LRRTM4: variants seen among roughly 807,000 people sequenced by gnomAD.
LRRTM4 encodes leucine-rich repeat transmembrane neuronal protein 4.
A neutral mutation model predicts 47.6 loss-of-function variants in LRRTM4; 25 were observed. The ratio of observed to expected loss-of-function variants is 0.53; its 90% CI spans 0.38 to 0.73. LRRTM4 has a LOEUF of 0.73. Among genes scored for constraint, LRRTM4 ranks in the 30% least tolerant of loss-of-function variants. The pLI is 0.00. For synonymous variants in LRRTM4, 311 were observed against 269.5 expected, an observed-to-expected ratio of 1.15 and a Z score of -1.51; for missense variants, 638 against 713.4, an observed-to-expected ratio of 0.89 and a Z score of 1.20.
chr2:76,835,929 A>G (rs1160714524), intron 3 of LRRTM4, among the ~76,000 whole-genome samples: 2 of 152,052 alleles, frequency 1.3e-5, no homozygotes, highest in East Asian at 3.8e-4. Flanking sequence ...TTAATTTAAT[A>G]TTATAGATTA....
intron 3 of LRRTM4, among the ~76,000 whole-genome samples, chr2:76,967,969 G>T (rs917072177): frequency 1.3e-5 from 2 of 151,154 alleles, no homozygotes; most frequent in African/African-American, 4.9e-5. Context: ...CAGTTGGTTG[G>T]CAAATATAAA....
intron 3 of LRRTM4, among the ~76,000 whole-genome samples, chr2:77,089,336 G>A (rs556610683): frequency 1.3e-5 from 2 of 151,738 alleles, no homozygotes; most frequent in South Asian, 2.1e-4. Flanking sequence ...CTAGAGGAGG[G>A]ACAAGTACCC....
At chr2:76,988,760 C>A (rs1676898195) in intron 3 of LRRTM4, among the ~76,000 whole-genome samples, 1 of 151,692 alleles carries the variant, frequency 6.6e-6, no homozygotes. Flanking sequence ...CCACCCCCAC[C>A]CACCCCATTC....
chr2:77,469,635 T>C lies in LRRTM4; in HGVS notation c.1551+48683A>G, dbSNP rs552233839. On this transcript the variant is annotated intron_variant, in intron 3 of 3. Transcript: ENST00000409884. ...ATAAAAAGATTTTAAGAAAGCGAGA[T>C]GATGAATTGTGGCAAACTAAAGATA... is the stretch of plus-strand genomic sequence containing the variant. Among the ~76,000 whole-genome samples the C allele has an allele frequency of 1.0e-3, 154 of 152,254 alleles. 2 individuals are homozygous for C. The highest frequency in any genetic ancestry group is 3.5e-3 in the African/African-American group (144 of 41,546).
intron 3 of LRRTM4, among the ~76,000 whole-genome samples, chr2:76,792,953 T>C (rs1675054847): frequency 6.6e-6 from 1 of 152,138 alleles, no homozygotes; most frequent in Non-Finnish European, 1.5e-5. Context: ...GGAGGGTGAA[T>C]CCTGTCTCTG....
At chr2:77,011,172 A>T (rs965687825) in intron 3 of LRRTM4, among the ~76,000 whole-genome samples, 1 of 152,092 alleles carries the variant, frequency 6.6e-6, no homozygotes, top group Non-Finnish European at 1.5e-5. Flanking sequence ...AGATAAAAAT[A>T]GTTTTAACAC....
chr2:76,963,799 G>A (rs1675939558), intron 3 of LRRTM4, among the ~76,000 whole-genome samples: 1 of 150,618 alleles, frequency 6.6e-6, no homozygotes, highest in South Asian at 2.1e-4. Flanking sequence ...ATAATAGTAA[G>A]AAGTTTGTAC....
intron 3 of LRRTM4, among the ~76,000 whole-genome samples, chr2:77,049,730 T>C (rs10186328): frequency 0.068 from 10,314 of 152,118 alleles, 786 homozygotes; most frequent in African/African-American, 0.18. Context: ...ATTTCTCTCA[T>C]TCTGCAGGTT....
At chr2:77,241,919 A>G (rs1675279581) in intron 3 of LRRTM4, among the ~76,000 whole-genome samples, 1 of 152,084 alleles carries the variant, frequency 6.6e-6, no homozygotes. Context: ...AATGATCTTG[A>G]TCCCCTTGTT....
chr2:77,192,561 AC>A (rs1673699864), intron 3 of LRRTM4, among the ~76,000 whole-genome samples: 1 of 152,162 alleles, frequency 6.6e-6, no homozygotes, highest in Admixed American at 6.5e-5. Context: ...AATAATTTTA[AC>A]CTTTTTTAAA....
At chr2:76,987,119 T>C (rs1676825512) in intron 3 of LRRTM4, among the ~76,000 whole-genome samples, 1 of 151,966 alleles carries the variant, frequency 6.6e-6, no homozygotes, top group South Asian at 2.1e-4. Context: ...ATTTATTTAA[T>C]CCTCACATTT....
intron 3 of LRRTM4, among the ~76,000 whole-genome samples, chr2:77,468,746 C>T (rs939315369): frequency 2.6e-5 from 4 of 152,104 alleles, no homozygotes; most frequent in South Asian, 2.1e-4. Context: ...TCCCTGCTCT[C>T]CTCCTGGTGC....
chr2:76,834,207 A>T (rs1399426144), intron 3 of LRRTM4, among the ~76,000 whole-genome samples: 8 of 141,118 alleles, frequency 5.7e-5, no homozygotes, highest in Admixed American at 5.0e-4. Context: ...TGCCAAGCTA[A>T]TTTTTTTTTT....
chr2:76,822,974 A>ATGTT (rs1004156093), intron 3 of LRRTM4, among the ~76,000 whole-genome samples: 2 of 151,464 alleles, frequency 1.3e-5, no homozygotes, highest in African/African-American at 4.8e-5. Context: ...CCTTTCTAAA[A>ATGTT]TGTTGAAAAA....
At chr2:77,206,442 C>G (rs1674128284) in intron 3 of LRRTM4, among the ~76,000 whole-genome samples, 1 of 151,796 alleles carries the variant, frequency 6.6e-6, no homozygotes, top group African/African-American at 2.4e-5. Flanking sequence ...ACCTCGGCCT[C>G]CTAAAGTGCT....
At chr2:77,291,578 A>G (rs1443614050) in intron 3 of LRRTM4, among the ~76,000 whole-genome samples, 3 of 152,148 alleles carry the variant, frequency 2.0e-5, no homozygotes, top group Non-Finnish European at 4.4e-5. Context: ...AATATTTAGC[A>G]GAGTTCCTTC....
intron 3 of LRRTM4, among the ~76,000 whole-genome samples, chr2:76,993,945 A>AT (rs879885006): frequency 2.6e-5 from 4 of 151,782 alleles, no homozygotes; most frequent in Non-Finnish European, 4.4e-5. Context: ...ATGAAAACAT[A>AT]TTTTTTTTCA....
intron 3 of LRRTM4, among the ~76,000 whole-genome samples, chr2:77,130,901 C>A (rs1307774209): frequency 8.3e-5 from 9 of 109,034 alleles, no homozygotes; most frequent in Admixed American, 1.4e-4. Flanking sequence ...GTGGCGGGAT[C>A]TTGGCTCACT....
intron 3 of LRRTM4, among the ~76,000 whole-genome samples, chr2:77,470,013 C>CT (rs1677125524): frequency 6.6e-6 from 1 of 152,070 alleles, no homozygotes; most frequent in African/African-American, 2.4e-5. Flanking sequence ...TTATAAACTA[C>CT]TTTGAAAGGC....
Sources: gnomAD v4.1 joint callset for allele counts (sites outside exome capture counted in the v4.1 genomes callset) on GRCh38, gnomAD v4.1.1 for gene constraint, MANE v1.5 for transcripts, NCBI Gene and HGNC (gene_info 2026-07-23, HGNC 2026-07-21) for gene names.